SLC10A7: variants seen among roughly 807,000 people sequenced by gnomAD.
SLC10A7 encodes the protein sodium/bile acid cotransporter 7.
Under a neutral mutation model 43.2 loss-of-function variants are expected in SLC10A7, and 29 were observed. The ratio of observed to expected loss-of-function variants is 0.67; its 90% CI spans 0.50 to 0.92. The LOEUF (loss-of-function observed/expected upper bound fraction) is 0.92. SLC10A7 is among the 40% of genes least tolerant of loss of function. The pLI is 0.00. For missense variants in SLC10A7, 295 were observed against 403.2 expected (o/e 0.73, Z 2.30); for synonymous variants, 152 against 144.8 (o/e 1.05, Z -0.35).
intron 5 of SLC10A7, among the ~76,000 whole-genome samples, chr4:146,376,178 T>C (rs2149785651): frequency 6.6e-6 from 1 of 152,204 alleles, no homozygotes. Context: ...TTCAGCCTCA[T>C]CCTGAGGCTA....
chr4:146,375,383 C>T (rs1737116986), intron 5 of SLC10A7, among the ~76,000 whole-genome samples: 1 of 152,104 alleles, frequency 6.6e-6, no homozygotes, highest in South Asian at 2.1e-4. Flanking sequence ...TTCATTGTTT[C>T]CTTTGCCTGG....
intron 6 of SLC10A7, among the ~76,000 whole-genome samples, chr4:146,316,256 T>C (rs1299415967): frequency 1.3e-5 from 2 of 152,138 alleles, no homozygotes; most frequent in Middle Eastern, 3.4e-3. Context: ...TCAAGATAAT[T>C]GAGGTAATGT....
intron 5 of SLC10A7, among the ~76,000 whole-genome samples, chr4:146,364,456 G>C (rs1419694744): frequency 6.6e-6 from 1 of 152,070 alleles, no homozygotes; most frequent in Non-Finnish European, 1.5e-5. Flanking sequence ...CCGAAAAATT[G>C]AGGAGGAAGA....
intron 5 of SLC10A7, among the ~76,000 whole-genome samples, chr4:146,356,693 G>T (rs564991078): frequency 3.3e-5 from 5 of 152,062 alleles, no homozygotes; most frequent in African/African-American, 9.6e-5. Flanking sequence ...ATTTACACAA[G>T]TGTTCTCTTA....
intron 5 of SLC10A7, among the ~76,000 whole-genome samples, chr4:146,371,700 G>A (rs941008607): frequency 3.9e-5 from 6 of 152,164 alleles, no homozygotes; most frequent in African/African-American, 1.4e-4. Context: ...TTCTCTTCTT[G>A]TGTTTTGTCC....
intron 5 of SLC10A7, among the ~76,000 whole-genome samples, chr4:146,425,118 C>A (rs904844654): frequency 6.6e-6 from 1 of 152,138 alleles, no homozygotes; most frequent in Admixed American, 6.5e-5. Context: ...AGTATCTTAA[C>A]AACAGATCCC....
At chr4:146,486,597 G>A (rs970211130) in intron 4 of SLC10A7, among the ~76,000 whole-genome samples, 1 of 152,168 alleles carries the variant, frequency 6.6e-6, no homozygotes, top group East Asian at 1.9e-4. Flanking sequence ...ACATTTCTTA[G>A]AATGGGATAT....
At position 146,519,091 on chromosome 4, in the gene SLC10A7, AT is replaced by A. The variant is rs1560991485; in HGVS notation, c.101-1972del. Among the ~76,000 whole-genome samples the A allele has an allele frequency of 9.9e-3, 1,190 of 119,806 alleles. 94 individuals carry two copies. Among genetic ancestry groups the A allele is most frequent in the African/African-American group, 0.027 (830 of 31,190 alleles). 78.6% of individuals were successfully genotyped at this position (119,806 alleles called of 152,430 possible). On this transcript the variant is annotated intron_variant, in intron 1 of 11. Coordinates refer to ENST00000335472, the MANE Select transcript of SLC10A7 (RefSeq NM_001029998.6). ...CATATATATATATATATATATATAT[AT>A]ATATATATATATATATATATAATAT...
At chr4:146,447,591 T>C (rs1040617712) in intron 4 of SLC10A7, among the ~76,000 whole-genome samples, 10 of 152,120 alleles carry the variant, frequency 6.6e-5, no homozygotes, top group Non-Finnish European at 1.3e-4. Flanking sequence ...GTTTTTATTA[T>C]TAACTCATAA....
chr4:146,468,196 A>G (rs1733222628), intron 4 of SLC10A7, among the ~76,000 whole-genome samples: 1 of 152,210 alleles, frequency 6.6e-6, no homozygotes, highest in South Asian at 2.1e-4. Context: ...TGAGAATTAA[A>G]TAAGACAATT....
intron 6 of SLC10A7, among the ~76,000 whole-genome samples, chr4:146,312,791 A>G (rs1051429364): frequency 6.6e-6 from 1 of 152,180 alleles, no homozygotes; most frequent in African/African-American, 2.4e-5. Flanking sequence ...CTTTGATGGA[A>G]ACTTAAAGTG....
chr4:146,341,639 A>C (rs1016941544), intron 5 of SLC10A7, among the ~76,000 whole-genome samples: 3 of 151,948 alleles, frequency 2.0e-5, no homozygotes, highest in East Asian at 3.9e-4. Flanking sequence ...CTGAGCACTT[A>C]TTATGTGCCA....
At chr4:146,361,564 C>T (rs773520719) in intron 5 of SLC10A7, among the ~76,000 whole-genome samples, 3 of 152,096 alleles carry the variant, frequency 2.0e-5, no homozygotes, top group Non-Finnish European at 4.4e-5. Flanking sequence ...TGAGCACAGA[C>T]ACAGGTTGCA....
intron 4 of SLC10A7, among the ~76,000 whole-genome samples, chr4:146,487,537 T>C (rs1336881775): frequency 6.6e-6 from 1 of 152,222 alleles, no homozygotes; most frequent in Non-Finnish European, 1.5e-5. Context: ...ATACAAGATC[T>C]AGATCTTACA....
At chr4:146,324,556 C>T (rs1292859014) in intron 6 of SLC10A7, among the ~76,000 whole-genome samples, 1 of 151,790 alleles carries the variant, frequency 6.6e-6, no homozygotes, top group East Asian at 1.9e-4. Flanking sequence ...GTGATGCAGC[C>T]ATTCATTGTG....
In SLC10A7 at chr4:146,313,324, G is replaced by A. The variant is rs1352064; in HGVS notation, c.472-7315C>T. On this transcript the variant is annotated intron_variant, in intron 6 of 11. Coordinates refer to ENST00000335472, the MANE Select transcript of SLC10A7 (RefSeq NM_001029998.6). ...ACCAGCAGTGCAACTGGCCTTCTTG[G>A]GACAGTAGTCCTTAATGGGGGAAGA... is the stretch of plus-strand genomic sequence containing the variant. 4.4e-4 allele frequency among the ~76,000 whole-genome samples: 67 copies of A among 152,256 alleles called. 3 individuals carry two copies. In the South Asian group the frequency reaches 0.013, roughly 30 times the overall value.
chr4:146,281,847 G>C (rs961004374), intron 10 of SLC10A7, among the ~76,000 whole-genome samples: 9 of 152,088 alleles, frequency 5.9e-5, no homozygotes, highest in Admixed American at 2.0e-4. Context: ...CAAGTGCCAG[G>C]CAGCACAGCA....
chr4:146,389,850 T>C (rs1264671253), intron 5 of SLC10A7, among the ~76,000 whole-genome samples: 1 of 152,326 alleles, frequency 6.6e-6, no homozygotes, highest in Admixed American at 6.5e-5. Flanking sequence ...AGTTCTTAGC[T>C]ATAAAATGCA....
chr4:146,442,452 C>G (rs1465489050), intron 5 of SLC10A7: 2 of 1,058,786 alleles, frequency 1.9e-6, no homozygotes, highest in East Asian at 1.8e-4. Context: ...ATCCTCAGTC[C>G]CATGATACAA....
Sources: allele counts gnomAD v4.1 joint callset (sites outside exome capture counted in the v4.1 genomes callset), GRCh38; gene constraint gnomAD v4.1.1; transcripts MANE v1.5; gene names NCBI Gene and HGNC (gene_info 2026-07-23, HGNC 2026-07-21).